LRBA: variants seen among roughly 807,000 people sequenced by gnomAD.
LRBA encodes the protein lipopolysaccharide-responsive and beige-like anchor protein.
Under a neutral mutation model 330.0 loss-of-function variants are expected in LRBA, and 176 were observed. The observed-to-expected ratio is 0.53, with a 90% CI of 0.47 to 0.60. The LOEUF is 0.60. Ranked by LOEUF, LRBA falls within the 20% of genes least tolerant of loss-of-function variation. LRBA has a pLI of 0.00. For synonymous variants in LRBA, 1,230 were observed against 1,193.0 expected (o/e 1.03, Z -0.64); for missense variants, 3,259 against 3,444.8 (o/e 0.95, Z 1.35).
intron 37 of LRBA, among the ~76,000 whole-genome samples, chr4:150,644,730 T>A (rs1355853725): frequency 6.6e-6 from 1 of 151,910 alleles, no homozygotes; most frequent in African/African-American, 2.4e-5. Flanking sequence ...ATAATCTGCA[T>A]GGAATAACTA....
At chr4:150,576,834 C>T (rs1224930848) in intron 40 of LRBA, among the ~76,000 whole-genome samples, 7 of 151,798 alleles carry the variant, frequency 4.6e-5, no homozygotes, top group Non-Finnish European at 8.9e-5. Context: ...GCTTACTGTA[C>T]AAAATTAAAG....
At chr4:150,860,772 G>GA (rs1375581549) in intron 22 of LRBA, among the ~76,000 whole-genome samples, 1 of 151,670 alleles carries the variant, frequency 6.6e-6, no homozygotes, top group Admixed American at 6.6e-5. Flanking sequence ...AGCTTGCAGT[G>GA]AGCCAAGATC....
Position 150,867,835 on chromosome 4 carries a change from C to A in LRBA, c.2602G>T (p.Glu868Ter). ...RSLLQCSVWQ[E>*]WMLSLCYFNP... Reference sequence around the variant, plus strand: ...AAATAGCAGAGAGAAAGCATCCATTCTTGCCACACAGAGCATTGTAGCAAG... The same window carrying A: ...AAATAGCAGAGAGAAAGCATCCATTATTGCCACACAGAGCATTGTAGCAAG... Residue 868 changes from glutamate to a stop codon, truncating the protein, a stop_gained, in exon 22 of 57, where the codon GAA (glutamate) becomes TAA (stop). Coordinates refer to ENST00000651943, the MANE Select transcript of LRBA (RefSeq NM_001364905.1). LOFTEE classifies it high-confidence loss of function. 1 of 1,613,174 alleles carries A rather than the reference C, an allele frequency of 6.2e-7. No individual in the cohort carries two copies. Among genetic ancestry groups the A allele is most frequent in the Non-Finnish European group, 8.5e-7 (1 of 1,179,578 alleles).
At chr4:150,361,634 A>G (rs938879490) in intron 47 of LRBA, among the ~76,000 whole-genome samples, 6 of 152,036 alleles carry the variant, frequency 3.9e-5, no homozygotes, top group Non-Finnish European at 8.8e-5. Context: ...TTCAGCATTT[A>G]TTCTCCTCAA....
At chr4:150,484,779 C>T (rs1757680422) in intron 42 of LRBA, among the ~76,000 whole-genome samples, 1 of 151,826 alleles carries the variant, frequency 6.6e-6, no homozygotes, top group Admixed American at 6.6e-5. Context: ...TAAATAAAAT[C>T]ATTTAATGCT....
At chr4:150,804,996 T>A (rs1274616345) in intron 33 of LRBA, among the ~76,000 whole-genome samples, 1 of 152,020 alleles carries the variant, frequency 6.6e-6, no homozygotes, top group African/African-American at 2.4e-5. Context: ...AGATGAAGAT[T>A]GGTATTTTGA....
intron 37 of LRBA, among the ~76,000 whole-genome samples, chr4:150,677,880 T>TA (rs1462036387): frequency 2.0e-5 from 3 of 151,110 alleles, no homozygotes; most frequent in African/African-American, 4.9e-5. Flanking sequence ...ATGTTCAGTA[T>TA]CAGGCCTGTA....
chr4:150,450,199 G>A (rs544945604), intron 44 of LRBA, among the ~76,000 whole-genome samples: 2 of 152,264 alleles, frequency 1.3e-5, no homozygotes, highest in East Asian at 3.9e-4. Flanking sequence ...GAGGGACATT[G>A]CATAATGAAA....
intron 34 of LRBA, among the ~76,000 whole-genome samples, chr4:150,777,987 A>C (rs1227248884): frequency 6.6e-6 from 1 of 151,126 alleles, no homozygotes; most frequent in African/African-American, 2.4e-5. Context: ...AAAAAAAAAA[A>C]AAAAAAAAAA....
At chr4:150,373,162 TGTGTGTGTGTGAGA>T (rs1451325432) in intron 47 of LRBA, among the ~76,000 whole-genome samples, 25 of 145,084 alleles carry the variant, frequency 1.7e-4, no homozygotes, top group South Asian at 4.5e-4. Context: ...TGTGTGTGTG[TGTGTGTGTGTGAGA>T]GAGAGAGAGA....
rs1412413283 is a variant in LRBA, at chr4:150,639,805, A to G, written c.5922-40674T>C. Among the ~76,000 whole-genome samples the G allele has an allele frequency of 2.3e-3, 19 of 8,146 alleles. 2 individuals are homozygous for G. Among genetic ancestry groups the G allele is most frequent in the African/African-American group, 3.2e-3 (12 of 3,788 alleles). The allele number at this position is 8,146 out of a possible 152,430, so 5.3% of individuals were successfully genotyped here. A position where few individuals can be genotyped will look rare whatever the true frequency, so the allele number is the denominator to read the frequency against. On this transcript the variant is annotated intron_variant, in intron 37 of 56. Coordinates refer to ENST00000651943, the MANE Select transcript of LRBA (RefSeq NM_001364905.1). Reference sequence around the variant, plus strand: ...TATGTGTGTGTGTATATATATATATATGTGTGTGTGTGTGTATATATATAT... The same window carrying G: ...TATGTGTGTGTGTATATATATATATGTGTGTGTGTGTGTGTATATATATAT...
intron 43 of LRBA, among the ~76,000 whole-genome samples, chr4:150,468,833 T>A (rs918695832): frequency 2.0e-5 from 3 of 152,080 alleles, no homozygotes; most frequent in African/African-American, 7.2e-5. Flanking sequence ...TTAGGTCTGA[T>A]GTTTTTAACT....
At chr4:150,456,280 T>C (rs1022341710) in intron 44 of LRBA, among the ~76,000 whole-genome samples, 2 of 152,178 alleles carry the variant, frequency 1.3e-5, no homozygotes, top group Admixed American at 6.5e-5. Flanking sequence ...CTAATTTATG[T>C]TCCTACCAAC....
intron 17 of LRBA, among the ~76,000 whole-genome samples, chr4:150,891,665 CCA>C (rs1287464432): frequency 6.6e-6 from 1 of 152,138 alleles, no homozygotes; most frequent in East Asian, 1.9e-4. Context: ...TTGCCAGCTT[CCA>C]CAATTGTGTA....
At chr4:150,309,116 A>T (rs1257218434) in intron 52 of LRBA, among the ~76,000 whole-genome samples, 4 of 151,996 alleles carry the variant, frequency 2.6e-5, no homozygotes, top group Non-Finnish European at 4.4e-5. Context: ...TATTATTATT[A>T]TTTTTTACTT....
chr4:150,554,497 G>A (rs1395131480), intron 40 of LRBA, among the ~76,000 whole-genome samples: 1 of 152,090 alleles, frequency 6.6e-6, no homozygotes, highest in East Asian at 1.9e-4. Context: ...TCTGTAAGAA[G>A]AAATAAAATT....
chr4:150,749,746 T>C (rs1468320474), intron 35 of LRBA, among the ~76,000 whole-genome samples: 1 of 152,088 alleles, frequency 6.6e-6, no homozygotes, highest in Non-Finnish European at 1.5e-5. Context: ...AGACGCTGCC[T>C]GTCTCAAAAA....
chr4:150,333,323 C>G (rs921563203), intron 48 of LRBA, among the ~76,000 whole-genome samples: 2 of 151,920 alleles, frequency 1.3e-5, no homozygotes, highest in African/African-American at 4.8e-5. Context: ...GCACACAACT[C>G]TGATATTGTA....
chr4:150,670,660 AGTAT>A (rs943254517), intron 37 of LRBA, among the ~76,000 whole-genome samples: 2 of 152,230 alleles, frequency 1.3e-5, no homozygotes, highest in African/African-American at 4.8e-5. Context: ...AGGTGATATA[AGTAT>A]GTATGCTAAT....
Sources: gnomAD v4.1 joint callset for allele counts (sites outside exome capture counted in the v4.1 genomes callset) on GRCh38, gnomAD v4.1.1 for gene constraint, MANE v1.5 for transcripts, NCBI Gene and HGNC (gene_info 2026-07-23, HGNC 2026-07-21) for gene names.